EYS: variants seen among roughly 807,000 people sequenced by gnomAD.
EYS encodes EGF-like photoreceptor maintenance factor, also known as protein eyes shut homolog.
EYS carries 250 observed loss-of-function variants against 282.1 expected under a neutral mutation model. That is an observed-to-expected ratio of 0.89 (90% CI 0.80 to 0.98). EYS has a LOEUF of 0.98. Ranked by LOEUF, EYS falls within the 50% of genes least tolerant of loss-of-function variation. The probability of loss-of-function intolerance (pLI) is 0.00; values close to 1 mark genes in which losing one functional copy is unlikely to be tolerated. For missense variants in EYS, 4,016 were observed against 3,709.0 expected (o/e 1.08, Z -2.15); for synonymous variants, 1,355 against 1,282.9 (o/e 1.06, Z -1.20).
chr6:64,815,996 G>A (rs1162096258), intron 21 of EYS, among the ~76,000 whole-genome samples: 1 of 152,058 alleles, frequency 6.6e-6, no homozygotes. Context: ...GGGTTGTCCT[G>A]TGATCTCTTA....
rs369031588 is a variant in EYS, at chr6:64,524,254, G to A, written c.5644+65969C>T. ...CTTAATTTTTACATATAAAATGTTT[G>A]TAAAATAATTCCACATGTTTGAACT... On this transcript the variant is annotated intron_variant, in intron 26 of 42. Transcript: ENST00000503581. 4.5e-4 allele frequency among the ~76,000 whole-genome samples: 68 copies of A among 151,606 alleles called. 1 individual carries two copies. Among genetic ancestry groups the A allele is most frequent in the East Asian group, 3.1e-3 (16 of 5,162 alleles).
chr6:63,880,529 A>ATCTG (rs1554184436), intron 35 of EYS, among the ~76,000 whole-genome samples: 2 of 151,428 alleles, frequency 1.3e-5, no homozygotes, highest in Admixed American at 1.3e-4. Flanking sequence ...CTATCTATCT[A>ATCTG]TTCTGTCCCT....
chr6:63,953,865 C>A (rs903269900), intron 35 of EYS, among the ~76,000 whole-genome samples: 1 of 152,308 alleles, frequency 6.6e-6, no homozygotes. Flanking sequence ...AACAACTTGG[C>A]CTTACTGTTT....
At chr6:65,599,865 T>C (rs1043205856) in intron 2 of EYS, among the ~76,000 whole-genome samples, 2 of 152,008 alleles carry the variant, frequency 1.3e-5, no homozygotes, top group Non-Finnish European at 2.9e-5. Flanking sequence ...AACAAACAAA[T>C]ACCTTGAGTG....
intron 11 of EYS, among the ~76,000 whole-genome samples, chr6:65,313,385 G>A (rs1192248546): frequency 6.6e-6 from 1 of 151,798 alleles, no homozygotes; most frequent in East Asian, 1.9e-4. Context: ...GATCAGCCCC[G>A]AATTATCCCT....
Position 64,702,793 on chromosome 6 carries a change from T to C in EYS, c.3444-76548A>G, listed in dbSNP as rs548880553. 4.6e-5 allele frequency among the ~76,000 whole-genome samples: 7 copies of C among 152,312 alleles called. No homozygotes were observed. The East Asian group carries it at 1.3e-3, about 29-fold the overall frequency. ...CACTGTGAATACAGACATAAATATT[T>C]AAAACCATAAGTTTAAGCATTTCAA... On this transcript the variant is annotated intron_variant, in intron 22 of 42. Coordinates refer to ENST00000503581, the MANE Select transcript of EYS (RefSeq NM_001142800.2).
intron 22 of EYS, among the ~76,000 whole-genome samples, chr6:64,661,470 A>T (rs181434484): frequency 6.6e-6 from 1 of 152,150 alleles, no homozygotes; most frequent in African/African-American, 2.4e-5. Context: ...ATGGGAGAAA[A>T]TTTTTGCAAT....
intron 1 of EYS, among the ~76,000 whole-genome samples, chr6:65,690,299 C>A (rs1013737474): frequency 1.3e-5 from 2 of 150,022 alleles, no homozygotes; most frequent in African/African-American, 2.4e-5. Context: ...ACCAGAAATT[C>A]TCAGAAGGGA....
chr6:64,631,411 C>CGGAAA (rs1191396740), intron 22 of EYS: 3 of 152,126 alleles, frequency 2.0e-5, no homozygotes, highest in Non-Finnish European at 4.4e-5. Context: ...AGATACTTTC[C>CGGAAA]CATAATCATT....
At chr6:64,704,737 G>A (rs1284448815) in intron 22 of EYS, among the ~76,000 whole-genome samples, 1 of 151,842 alleles carries the variant, frequency 6.6e-6, no homozygotes, top group Non-Finnish European at 1.5e-5. Context: ...GAAGAACAAT[G>A]ATTGAATGAC....
intron 2 of EYS, among the ~76,000 whole-genome samples, chr6:65,566,607 C>T (rs150379484): frequency 2.0e-5 from 3 of 152,226 alleles, no homozygotes; most frequent in African/African-American, 7.2e-5. Flanking sequence ...TCTACCCAGA[C>T]TTGCCACCAG....
At chr6:64,826,101 A>T (rs1239313308) in intron 19 of EYS, among the ~76,000 whole-genome samples, 1 of 151,774 alleles carries the variant, frequency 6.6e-6, no homozygotes, top group African/African-American at 2.4e-5. Flanking sequence ...GGTATTTCCT[A>T]CTGGTCATTA....
intron 29 of EYS, among the ~76,000 whole-genome samples, chr6:64,326,965 C>T (rs776826327): frequency 1.3e-5 from 2 of 152,112 alleles, no homozygotes; most frequent in Non-Finnish European, 2.9e-5. Context: ...GAGAGGCCCA[C>T]TGACTCGGAC....
intron 29 of EYS, among the ~76,000 whole-genome samples, chr6:64,326,498 T>G (rs1770427389): frequency 6.6e-6 from 1 of 152,204 alleles, no homozygotes; most frequent in Non-Finnish European, 1.5e-5. Flanking sequence ...AGGAAAAGCC[T>G]TTTGTTTGGG....
chr6:64,789,713 A>G (rs906215730), intron 22 of EYS, among the ~76,000 whole-genome samples: 1 of 151,900 alleles, frequency 6.6e-6, no homozygotes, highest in African/African-American at 2.4e-5. Context: ...CAAGACTGTA[A>G]GCCTTTCTTT....
chr6:65,111,772 A>C (rs996776544), intron 12 of EYS, among the ~76,000 whole-genome samples: 18 of 152,258 alleles, frequency 1.2e-4, no homozygotes, highest in Admixed American at 8.5e-4. Context: ...ATTTGAACCC[A>C]GGAGGTGGAG....
intron 12 of EYS, among the ~76,000 whole-genome samples, chr6:65,262,609 A>G (rs1298625211): frequency 2.0e-5 from 3 of 152,104 alleles, no homozygotes; most frequent in Non-Finnish European, 4.4e-5. Flanking sequence ...TTCTTTAATG[A>G]TATAATATGA....
At chr6:64,646,303 A>G (rs2149874879) in intron 22 of EYS, among the ~76,000 whole-genome samples, 2 of 152,240 alleles carry the variant, frequency 1.3e-5, no homozygotes, top group Admixed American at 1.3e-4. Context: ...TACATAATCA[A>G]CTTTGGTAAA....
At chr6:65,152,024 A>T (rs1764622413) in intron 12 of EYS, among the ~76,000 whole-genome samples, 1 of 151,966 alleles carries the variant, frequency 6.6e-6, no homozygotes, top group East Asian at 1.9e-4. Context: ...CTTAATAATT[A>T]AATTATATAA....
Sources: allele counts gnomAD v4.1 joint callset (sites outside exome capture counted in the v4.1 genomes callset), GRCh38; gene constraint gnomAD v4.1.1; transcripts MANE v1.5; gene names NCBI Gene and HGNC (gene_info 2026-07-23, HGNC 2026-07-21).